Variants in KIRREL3 observed in about 807,000 individuals in gnomAD.
KIRREL3 encodes the protein kirre like nephrin family adhesion molecule 3, also known as kin of IRRE-like protein 3.
Under a neutral mutation model 89.7 loss-of-function variants are expected in KIRREL3, and 36 were observed. The ratio of observed to expected loss-of-function variants is 0.40; its 90% CI spans 0.31 to 0.53. The LOEUF is 0.53. KIRREL3 is among the 20% of genes least tolerant of loss of function. KIRREL3 has a pLI of 0.49. For missense variants in KIRREL3, 864 were observed against 1,056.6 expected (o/e 0.82, Z 2.53); for synonymous variants, 445 against 441.4 (o/e 1.01, Z -0.10).
rs1950550160 is a variant in KIRREL3, at chr11:126,788,642, T to C, written c.55+211813A>G. Among the ~76,000 whole-genome samples the C allele has an allele frequency of 6.6e-6, 1 of 152,218 alleles. No individual in the cohort carries two copies. The highest frequency in any genetic ancestry group is 2.1e-4 in the South Asian group (1 of 4,832). On this transcript the variant is annotated intron_variant, in intron 1 of 16. Coordinates refer to ENST00000525144, the MANE Select transcript of KIRREL3 (RefSeq NM_032531.4). The surrounding 1 kb of genome is among the most constrained non-coding windows in gnomAD (Gnocchi z 4.1). ...GTTGCTATGTCTTGGGTTAAAAGTCTGTTTAGCCTCACCAGACCCATCATC... is the reference window on the plus strand; with the variant it reads ...GTTGCTATGTCTTGGGTTAAAAGTCCGTTTAGCCTCACCAGACCCATCATC...
At chr11:126,572,988 C>T (rs932395278) in intron 1 of KIRREL3, among the ~76,000 whole-genome samples, 7 of 152,180 alleles carry the variant, frequency 4.6e-5, no homozygotes, top group African/African-American at 1.7e-4. Context: ...TGTCTGCTCT[C>T]ACTTGGCACA....
rs1949832584 is a variant in KIRREL3 at position 126,766,624 on chromosome 11, T to C, written c.56-203712A>G. On this transcript the variant is annotated intron_variant, in intron 1 of 16. Coordinates refer to ENST00000525144, the MANE Select transcript of KIRREL3 (RefSeq NM_032531.4). The surrounding 1 kb of genome is among the most constrained non-coding windows in gnomAD (Gnocchi z 4.2). ...TGGTGGCGCCAGTAGTATCATTCCATTACCATTTCCTCAAATGGGGAGTGT... is the reference window on the plus strand; with the variant it reads ...TGGTGGCGCCAGTAGTATCATTCCACTACCATTTCCTCAAATGGGGAGTGT... Among the ~76,000 whole-genome samples, 1 of 152,174 alleles carries C rather than the reference T, an allele frequency of 6.6e-6. No homozygotes were observed. Among genetic ancestry groups the C allele is most frequent in the Non-Finnish European group, 1.5e-5 (1 of 68,038 alleles).
chr11:126,599,683 T>C (rs968684614), intron 1 of KIRREL3, among the ~76,000 whole-genome samples: 16 of 152,212 alleles, frequency 1.1e-4, no homozygotes, highest in African/African-American at 3.4e-4. Context: ...CTCTTGCATA[T>C]AGAAGCTCTA....
chr11:126,875,965 G>C (rs1945270502), intron 1 of KIRREL3, among the ~76,000 whole-genome samples: 1 of 152,186 alleles, frequency 6.6e-6, no homozygotes, highest in South Asian at 2.1e-4. Flanking sequence ...ACAGGCAAAG[G>C]CTGGGAGGTG....
intron 1 of KIRREL3, among the ~76,000 whole-genome samples, chr11:126,952,839 G>A (rs920729120): frequency 2.0e-5 from 3 of 152,344 alleles, no homozygotes; most frequent in African/African-American, 4.8e-5. Flanking sequence ...AACAACAGAT[G>A]CTGGAGAGGA....
In KIRREL3 at chr11:126,566,909, T is replaced by C. The variant is rs1483812009; in HGVS notation, c.56-3997A>G. 6.6e-6 allele frequency among the ~76,000 whole-genome samples: 1 copy of C among 152,190 alleles called. No individual in the cohort carries two copies. The highest frequency in any genetic ancestry group is 1.5e-5 in the Non-Finnish European group (1 of 68,028). On this transcript the variant is annotated intron_variant, in intron 1 of 16. Coordinates refer to ENST00000525144, the MANE Select transcript of KIRREL3 (RefSeq NM_032531.4). This position sits in a 1 kb window ranked among gnomAD's most constrained non-coding sequence, Gnocchi z 4.9. The stretch of plus-strand genomic sequence containing the variant: ...TCATTTTGGTTTCACAAACTGAGGC[T>C]CAGAAGTAAAGTGACAATTTAAGGC...
intron 1 of KIRREL3, among the ~76,000 whole-genome samples, chr11:126,895,113 A>G (rs1946096473): frequency 6.6e-6 from 1 of 152,068 alleles, no homozygotes; most frequent in South Asian, 2.1e-4. Flanking sequence ...GCAGCCTGTG[A>G]CGATTCCTAG....
rs567227971 is a variant in KIRREL3, at chr11:126,530,458, T to C, written c.134-3771A>G. On this transcript the variant is annotated intron_variant, in intron 2 of 16. Transcript: ENST00000525144. This position sits in a 1 kb window ranked among gnomAD's most constrained non-coding sequence, Gnocchi z 5.8. Reference sequence around the variant, plus strand: ...AATGCAAGTGAGCCCAAGGTCATTTTCTGCAGCCTCCTGGATAGTGCCTTA... The same window carrying C: ...AATGCAAGTGAGCCCAAGGTCATTTCCTGCAGCCTCCTGGATAGTGCCTTA... 8.9e-4 allele frequency among the ~76,000 whole-genome samples: 136 copies of C among 152,332 alleles called. No homozygotes were observed. Among genetic ancestry groups the C allele is most frequent in the South Asian group, 2.1e-3 (10 of 4,830 alleles).
At chr11:126,552,198 C>T (rs1373659329) in intron 2 of KIRREL3, among the ~76,000 whole-genome samples, 1 of 151,850 alleles carries the variant, frequency 6.6e-6, no homozygotes, top group African/African-American at 2.4e-5. Flanking sequence ...CACTTTTCCA[C>T]CTTTGGAAGG....
chr11:126,789,657 C>T (rs1363141265), intron 1 of KIRREL3, among the ~76,000 whole-genome samples: 1 of 152,178 alleles, frequency 6.6e-6, no homozygotes, highest in Admixed American at 6.5e-5. Context: ...TCCATCTCCC[C>T]GGAGTTGTAG....
intron 2 of KIRREL3, among the ~76,000 whole-genome samples, chr11:126,559,516 G>A (rs1939952971): frequency 1.3e-5 from 2 of 151,698 alleles, no homozygotes; most frequent in Admixed American, 6.6e-5. Context: ...GGTGCCACTC[G>A]ATACACACAC....
At position 126,431,639 on chromosome 11, in the gene KIRREL3, G is replaced by T; in HGVS notation, c.1589-113C>A. The T allele has an allele frequency of 9.3e-7, 1 of 1,078,026 alleles. No homozygotes were observed. The highest frequency in any genetic ancestry group is 1.3e-6 in the Non-Finnish European group (1 of 743,474). 66.8% of individuals were successfully genotyped at this position (1,078,026 alleles called of 1,614,324 possible). A position where few individuals can be genotyped will look rare whatever the true frequency, so the allele number is the denominator to read the frequency against. ...CCCCTGCCACATGGGGCCCTCCTGG[G>T]AAATGCCTCAGTGGGGCCTGGGCAG... On this transcript the variant is annotated intron_variant, in intron 13 of 16. Coordinates refer to ENST00000525144, the MANE Select transcript of KIRREL3 (RefSeq NM_032531.4). This position sits in a 1 kb window ranked among gnomAD's most constrained non-coding sequence, Gnocchi z 7.1.
chr11:126,756,193 A>G (rs2134256440), intron 1 of KIRREL3, among the ~76,000 whole-genome samples: 1 of 152,358 alleles, frequency 6.6e-6, no homozygotes, highest in East Asian at 1.9e-4. Context: ...CGAATTAACA[A>G]TGATGATAAT....
intron 1 of KIRREL3, among the ~76,000 whole-genome samples, chr11:126,942,185 G>T (rs1000523666): frequency 1.2e-4 from 18 of 152,100 alleles, no homozygotes; most frequent in African/African-American, 4.3e-4. Context: ...TGTAATCAAG[G>T]TATTAATCTC....
intron 1 of KIRREL3, among the ~76,000 whole-genome samples, chr11:126,667,981 T>G (rs1945740134): frequency 6.6e-6 from 1 of 152,206 alleles, no homozygotes; most frequent in Non-Finnish European, 1.5e-5. Flanking sequence ...CAAGGCTGTT[T>G]GGTCACACTG....
intron 9 of KIRREL3, among the ~76,000 whole-genome samples, chr11:126,446,304 C>A (rs75084055): frequency 8.7e-6 from 1 of 114,926 alleles, no homozygotes; most frequent in South Asian, 2.5e-4. Context: ...CTTTCTTTCT[C>A]TCTCTCTCTT....
At chr11:126,852,087 A>C in intron 1 of KIRREL3, among the ~76,000 whole-genome samples, 2 of 131,606 alleles carry the variant, frequency 1.5e-5, no homozygotes, top group South Asian at 2.3e-4. Context: ...AGAGTCTAGC[A>C]CTGTCTCCCA....
At chr11:126,630,461 T>C (rs1943972131) in intron 1 of KIRREL3, among the ~76,000 whole-genome samples, 1 of 147,062 alleles carries the variant, frequency 6.8e-6, no homozygotes, top group African/African-American at 2.4e-5. Context: ...TCCTTGCCCC[T>C]TTTGCTATTT....
At chr11:126,887,669 A>G (rs546701643) in intron 1 of KIRREL3, among the ~76,000 whole-genome samples, 2 of 152,288 alleles carry the variant, frequency 1.3e-5, no homozygotes, top group South Asian at 4.2e-4. Flanking sequence ...AATGACACAC[A>G]TGGCTGAAAT....
Sources: gnomAD v4.1 joint callset for allele counts (sites outside exome capture counted in the v4.1 genomes callset) on GRCh38, gnomAD v4.1.1 for gene constraint, Gnocchi (gnomAD v3.1) non-coding constraint, MANE v1.5 for transcripts, NCBI Gene and HGNC (gene_info 2026-07-23, HGNC 2026-07-21) for gene names.